Variants in AATF observed in about 807,000 individuals in gnomAD.
The protein encoded by AATF is protein AATF.
In AATF, 48 loss-of-function variants were observed where a neutral mutation model predicts 63.7. That is an observed-to-expected ratio of 0.75 (90% CI 0.60 to 0.96). The LOEUF (loss-of-function observed/expected upper bound fraction) is 0.96, where lower values mean the gene tolerates loss of function less well. Ranked by LOEUF, AATF falls within the 40% of genes least tolerant of loss-of-function variation. The pLI is 0.00. For synonymous variants in AATF, 258 were observed against 247.7 expected, an observed-to-expected ratio of 1.04 and a Z score of -0.39; for missense variants, 639 against 685.7, an observed-to-expected ratio of 0.93 and a Z score of 0.76.
chr17:37,006,327 G>T (rs1597722589), intron 8 of AATF, among the ~76,000 whole-genome samples: 1 of 152,084 alleles, frequency 6.6e-6, no homozygotes, highest in South Asian at 2.1e-4. Context: ...AAATTAACTG[G>T]GCTTGGTGGT....
chr17:37,002,157 G>A (rs1313058971), intron 8 of AATF, among the ~76,000 whole-genome samples: 18 of 138,582 alleles, frequency 1.3e-4, no homozygotes, highest in Admixed American at 1.2e-3. Flanking sequence ...AGCCATGATA[G>A]CACCACTGCA....
intron 4 of AATF, among the ~76,000 whole-genome samples, chr17:36,976,425 A>G (rs1210871673): frequency 6.6e-6 from 1 of 152,144 alleles, no homozygotes; most frequent in Non-Finnish European, 1.5e-5. Flanking sequence ...CTGAATAGTG[A>G]TGGTACAATC....
intron 11 of AATF, among the ~76,000 whole-genome samples, chr17:37,039,424 C>G (rs1248987800): frequency 6.6e-6 from 1 of 152,170 alleles, no homozygotes; most frequent in African/African-American, 2.4e-5. Flanking sequence ...ATTAAAGGCT[C>G]CCATTACTCT....
Position 36,953,831 on chromosome 17 carries a change from C to A in AATF, c.756C>A (p.Asn252Lys), listed in dbSNP as rs745909216. Reference sequence around the variant, plus strand: ...TACAAAAAGCTCTGTTGACCACCAACCAGCTTCCTCAACCAGATGTTTTCC... The same window carrying A: ...TACAAAAAGCTCTGTTGACCACCAAACAGCTTCCTCAACCAGATGTTTTCC... ...IKLQKALLTT[N>K]QLPQPDVFPL... is the part of the protein sequence containing the mutation. The change falls in exon 4 of 12, where the codon AAC (asparagine) becomes AAA (lysine). Residue 252 changes from asparagine (N) to lysine (K), a missense_variant. Transcript: ENST00000619387. 2 of 1,614,094 alleles carry A rather than the reference C, an allele frequency of 1.2e-6. No individual in the cohort carries two copies. Among genetic ancestry groups the A allele is most frequent in the Non-Finnish European group, 1.7e-6 (2 of 1,180,010 alleles).
intron 8 of AATF, among the ~76,000 whole-genome samples, chr17:36,994,084 TC>T (rs1158937897): frequency 1.3e-5 from 2 of 152,184 alleles, no homozygotes; most frequent in Non-Finnish European, 2.9e-5. Flanking sequence ...TCATAAATAA[TC>T]TTATCATTTT....
intron 3 of AATF, 53 bp downstream of exon 3, chr17:36,953,349 C>T (rs539978302): frequency 2.5e-6 from 4 of 1,570,790 alleles, no homozygotes; most frequent in African/African-American, 1.4e-5. Flanking sequence ...TGCATTTGGT[C>T]TACTTTTCAT....
intron 4 of AATF, among the ~76,000 whole-genome samples, chr17:36,976,211 G>T (rs1363160142): frequency 1.3e-5 from 2 of 152,050 alleles, no homozygotes; most frequent in African/African-American, 4.8e-5. Context: ...AACCCTCAAG[G>T]GTACATTGAT....
At chr17:37,028,559 G>C (rs886264712) in intron 10 of AATF, among the ~76,000 whole-genome samples, 2 of 152,144 alleles carry the variant, frequency 1.3e-5, no homozygotes, top group Non-Finnish European at 2.9e-5. Flanking sequence ...GCCAACACAG[G>C]TGGATCACTC....
intron 8 of AATF, among the ~76,000 whole-genome samples, chr17:37,003,701 A>G (rs1286813197): frequency 6.6e-6 from 1 of 150,808 alleles, no homozygotes; most frequent in Non-Finnish European, 1.5e-5. Context: ...TCCTGATCTC[A>G]AGTGATCTGA....
chr17:37,017,042 T>G (rs1308942897), intron 8 of AATF, among the ~76,000 whole-genome samples: 3 of 152,222 alleles, frequency 2.0e-5, no homozygotes, highest in African/African-American at 7.2e-5. Flanking sequence ...CTGCACCAAC[T>G]TGGTGTTGGA....
At chr17:37,024,461 C>T (rs1453921917) in intron 10 of AATF, among the ~76,000 whole-genome samples, 3 of 152,174 alleles carry the variant, frequency 2.0e-5, no homozygotes, top group African/African-American at 4.8e-5. Context: ...TTCTTTTAAC[C>T]TCTGGCTGTT....
chr17:37,043,029 C>T (rs1360699479), intron 11 of AATF: 1 of 152,202 alleles, frequency 6.6e-6, no homozygotes, highest in Non-Finnish European at 1.5e-5. Context: ...GTGTGAGCCA[C>T]CGCGCCTGGC....
chr17:37,009,523 T>G (rs1487600520), intron 8 of AATF, among the ~76,000 whole-genome samples: 1 of 151,786 alleles, frequency 6.6e-6, no homozygotes, highest in Non-Finnish European at 1.5e-5. Flanking sequence ...TCTCATCCGC[T>G]TAAAACCATC....
At chr17:36,972,831 G>A (rs1436063738) in intron 4 of AATF, among the ~76,000 whole-genome samples, 1 of 152,108 alleles carries the variant, frequency 6.6e-6, no homozygotes, top group Admixed American at 6.6e-5. Flanking sequence ...TTTAGACATT[G>A]GTCAGACTTG....
At position 37,020,979 on chromosome 17, in the gene AATF, A is replaced by C; in HGVS notation, c.1512A>C (p.Lys504Asn). The change falls in exon 10 of 12, where the codon AAA (lysine) becomes AAC (asparagine). Residue 504 changes from lysine to asparagine, a missense_variant. By Grantham distance (94) the Lys-to-Asn change is moderately conservative. Transcript: ENST00000619387. ...IQKLRSKIHK[K>N]VDRKASKGRK... is the part of the protein sequence containing the mutation. Reference sequence around the variant, plus strand: ...AGTTACGAAGCAAAATCCACAAAAAAGTAGATAGGAAAGCCAGCAAAGGCA... The same window carrying C: ...AGTTACGAAGCAAAATCCACAAAAACGTAGATAGGAAAGCCAGCAAAGGCA... 6.2e-7 allele frequency: 1 copy of C among 1,611,872 alleles called. No individual in the cohort carries two copies.
intron 1 of AATF, among the ~76,000 whole-genome samples, 179 bp from the exon 2 acceptor site, chr17:36,950,035 G>A (rs1415997102): frequency 6.6e-6 from 1 of 152,240 alleles, no homozygotes. Flanking sequence ...TCAACTTTCT[G>A]TTTAGAAACA....
At chr17:36,990,723 G>GT (rs1036046327) in intron 7 of AATF, 51 bp from the exon 8 acceptor site, 1 of 1,111,842 alleles carries the variant, frequency 9.0e-7, no homozygotes, top group Non-Finnish European at 1.3e-6. Context: ...AGCTACATTA[G>GT]TTAGATAGCC....
chr17:37,018,702 A>G (rs999611529), intron 8 of AATF, among the ~76,000 whole-genome samples: 1 of 152,174 alleles, frequency 6.6e-6, no homozygotes, highest in African/African-American at 2.4e-5. Flanking sequence ...GAGTGGACAA[A>G]ACTAATCATA....
In AATF at chr17:36,948,973, G is replaced by T. The variant is rs1313718949; in HGVS notation, c.-153G>T. ...TCCCGCGCGCCTCCCGGAAGTGGCC[G>T]GTCCAGAGCTGTGGGGTGGCCTCCG... On this transcript the variant is annotated 5_prime_UTR_variant, in exon 1 of 12. Transcript: ENST00000619387. 6.3e-6 allele frequency: 4 copies of T among 637,158 alleles called. No homozygotes were observed. Among genetic ancestry groups the T allele is most frequent in the Admixed American group, 3.3e-5 (1 of 30,750 alleles). 39.5% of individuals were successfully genotyped at this position (637,158 alleles called of 1,614,324 possible).
Sources: allele counts gnomAD v4.1 joint callset (sites outside exome capture counted in the v4.1 genomes callset), GRCh38; gene constraint gnomAD v4.1.1; transcripts MANE v1.5; gene names NCBI Gene and HGNC (gene_info 2026-07-23, HGNC 2026-07-21).